ARL15: variants seen among roughly 807,000 people sequenced by gnomAD.
The protein encoded by ARL15 is ARF like GTPase 15.
A neutral mutation model predicts 25.2 loss-of-function variants in ARL15; 19 were observed. The observed-to-expected ratio is 0.75, with a 90% CI of 0.53 to 1.10. The LOEUF (loss-of-function observed/expected upper bound fraction) is 1.10, where lower values mean the gene tolerates loss of function less well. Ranked by LOEUF, ARL15 falls within the 50% of genes least tolerant of loss-of-function variation. ARL15 has a pLI of 0.00. For missense variants in ARL15, 220 were observed against 246.0 expected (o/e 0.89, Z 0.71); for synonymous variants, 94 against 86.8 (o/e 1.08, Z -0.46).
At chr5:53,919,933 T>C (rs1745791720) in intron 4 of ARL15, among the ~76,000 whole-genome samples, 1 of 152,194 alleles carries the variant, frequency 6.6e-6, no homozygotes, top group Admixed American at 6.5e-5. Flanking sequence ...TTTAGCTTCC[T>C]AATTTTTTAA....
At chr5:54,217,611 T>C (rs1006743062) in intron 1 of ARL15, among the ~76,000 whole-genome samples, 1 of 152,104 alleles carries the variant, frequency 6.6e-6, no homozygotes, top group Non-Finnish European at 1.5e-5. Flanking sequence ...TCAAAAGTAT[T>C]CCATTTGCAA....
chr5:54,129,093 A>G (rs1486932367), intron 3 of ARL15, among the ~76,000 whole-genome samples: 1 of 152,212 alleles, frequency 6.6e-6, no homozygotes, highest in Admixed American at 6.5e-5. Flanking sequence ...TTAGCACTGC[A>G]TTAAAAACAA....
chr5:54,045,349 G>T (rs1274534920), intron 4 of ARL15, among the ~76,000 whole-genome samples: 2 of 152,150 alleles, frequency 1.3e-5, no homozygotes, highest in African/African-American at 4.8e-5. Flanking sequence ...GAACATTGGG[G>T]CTAAGAACTG....
At chr5:54,036,250 A>G (rs980449349) in intron 4 of ARL15, among the ~76,000 whole-genome samples, 1 of 152,192 alleles carries the variant, frequency 6.6e-6, no homozygotes, top group African/African-American at 2.4e-5. Flanking sequence ...TCCCTCATGT[A>G]AATTACATGT....
At chr5:53,924,409 A>G (rs1410015116) in intron 4 of ARL15, among the ~76,000 whole-genome samples, 2 of 152,196 alleles carry the variant, frequency 1.3e-5, no homozygotes, top group Non-Finnish European at 2.9e-5. Context: ...GTTTAGATAA[A>G]TTGAAAATAA....
chr5:54,078,282 T>G (rs1223892322), intron 4 of ARL15, among the ~76,000 whole-genome samples: 2 of 152,162 alleles, frequency 1.3e-5, no homozygotes, highest in Non-Finnish European at 2.9e-5. Flanking sequence ...ACGTTGTGCT[T>G]ACTCCACAGG....
chr5:54,210,201 C>T (rs907329430), intron 1 of ARL15, among the ~76,000 whole-genome samples: 7 of 152,204 alleles, frequency 4.6e-5, no homozygotes, highest in African/African-American at 1.2e-4. Context: ...CATTTTTAAA[C>T]GTACCCACTT....
chr5:54,105,898 G>C (rs1212784625), intron 4 of ARL15, among the ~76,000 whole-genome samples: 1 of 152,000 alleles, frequency 6.6e-6, no homozygotes, highest in Non-Finnish European at 1.5e-5. Flanking sequence ...TGTTCCCTTA[G>C]AGCTTCATTA....
At chr5:54,100,185 T>A (rs1024025868) in intron 4 of ARL15, among the ~76,000 whole-genome samples, 4 of 152,112 alleles carry the variant, frequency 2.6e-5, no homozygotes, top group African/African-American at 9.7e-5. Flanking sequence ...TAAATTTTTA[T>A]CACACAAACC....
chr5:53,916,598 G>A lies in ARL15; in HGVS notation c.463-29885C>T, dbSNP rs546490589. Among the ~76,000 whole-genome samples the A allele has an allele frequency of 6.6e-5, 10 of 152,248 alleles. No homozygotes were observed. In the South Asian group the frequency reaches 2.1e-3, roughly 32 times the overall value. On this transcript the variant is annotated intron_variant, in intron 4 of 4. Coordinates refer to ENST00000504924, the MANE Select transcript of ARL15 (RefSeq NM_019087.3). Reference sequence around the variant, plus strand: ...TTGGAAAGTGCCTAGTAAGACAGGGGCAGGTGACATGTTCTTTTAAGGCAT... The same window carrying A: ...TTGGAAAGTGCCTAGTAAGACAGGGACAGGTGACATGTTCTTTTAAGGCAT...
At position 53,937,825 on chromosome 5, in the gene ARL15, C is replaced by CAA. The variant is rs34514317; in HGVS notation, c.463-51114_463-51113dup. 5.9e-3 allele frequency among the ~76,000 whole-genome samples: 841 copies of CAA among 141,744 alleles called. 7 individuals carry two copies. The highest frequency in any genetic ancestry group is 0.019 in the African/African-American group (707 of 37,774). 93.0% of individuals were successfully genotyped at this position (141,744 alleles called of 152,430 possible). ...TGATCAGGGGTACACTATGAAATGGCAAAAAAAAAAAAGGGGTGGAGTGGG... is the reference window on the plus strand; with the variant it reads ...TGATCAGGGGTACACTATGAAATGGCAAAAAAAAAAAAAAGGGGTGGAGTGGG... On this transcript the variant is annotated intron_variant, in intron 4 of 4. Coordinates refer to ENST00000504924, the MANE Select transcript of ARL15 (RefSeq NM_019087.3).
intron 4 of ARL15, among the ~76,000 whole-genome samples, chr5:54,023,895 C>A (rs896480328): frequency 1.3e-5 from 2 of 152,202 alleles, no homozygotes; most frequent in Admixed American, 6.5e-5. Flanking sequence ...GCTGGCCCAA[C>A]AGACTTTGTC....
chr5:54,096,839 C>T (rs1298635288), intron 4 of ARL15, among the ~76,000 whole-genome samples: 1 of 152,112 alleles, frequency 6.6e-6, no homozygotes, highest in East Asian at 1.9e-4. Context: ...CAGTTTTCTA[C>T]AGCTAAGTCT....
intron 4 of ARL15, among the ~76,000 whole-genome samples, chr5:54,037,552 C>T (rs1262669260): frequency 6.6e-6 from 1 of 152,028 alleles, no homozygotes; most frequent in Non-Finnish European, 1.5e-5. Context: ...ATGTCTAATG[C>T]CTCCACCCTA....
chr5:53,912,349 G>T (rs531498298), intron 4 of ARL15, among the ~76,000 whole-genome samples: 1 of 152,262 alleles, frequency 6.6e-6, no homozygotes, highest in East Asian at 1.9e-4. Context: ...TATGCTGCAT[G>T]CTGAGCTAGT....
chr5:54,118,627 A>G (rs899957577), intron 3 of ARL15, among the ~76,000 whole-genome samples: 4 of 152,166 alleles, frequency 2.6e-5, no homozygotes, highest in African/African-American at 9.7e-5. Flanking sequence ...ACTTTAAACT[A>G]TCTTTATTCT....
At chr5:54,221,827 A>ACG (rs1554048474) in intron 1 of ARL15, among the ~76,000 whole-genome samples, 1 of 11,372 alleles carries the variant, frequency 8.8e-5, no homozygotes. Context: ...AGAAACATGC[A>ACG]CACACACACA....
intron 2 of ARL15, among the ~76,000 whole-genome samples, chr5:54,164,466 T>C (rs948737932): frequency 2.0e-5 from 3 of 152,064 alleles, no homozygotes; most frequent in Non-Finnish European, 4.4e-5. Flanking sequence ...GAAACTGACG[T>C]CGCTGATTGT....
chr5:54,034,127 G>T (rs1269953586), intron 4 of ARL15, among the ~76,000 whole-genome samples: 1 of 152,134 alleles, frequency 6.6e-6, no homozygotes, highest in East Asian at 1.9e-4. Context: ...GTCTGTCTTA[G>T]GTTGTCTTGT....
Sources: allele counts gnomAD v4.1 joint callset (sites outside exome capture counted in the v4.1 genomes callset), GRCh38; gene constraint gnomAD v4.1.1; transcripts MANE v1.5; gene names NCBI Gene and HGNC (gene_info 2026-07-23, HGNC 2026-07-21).